RBFOX1: variants seen among roughly 807,000 people sequenced by gnomAD.
RBFOX1 encodes the protein RNA binding protein fox-1 homolog 1.
In RBFOX1, 8 loss-of-function variants were observed where a neutral mutation model predicts 57.7. The ratio of observed to expected loss-of-function variants is 0.14; its 90% CI spans 0.08 to 0.25. RBFOX1 has a LOEUF of 0.25. Ranked by LOEUF, RBFOX1 falls within the 10% of genes least tolerant of loss-of-function variation. The pLI, the probability that RBFOX1 is intolerant of heterozygous loss-of-function variation, is 1.00. For synonymous variants in RBFOX1, 326 were observed against 222.4 expected (o/e 1.47, Z -4.15); for missense variants, 611 against 548.5 (o/e 1.11, Z -1.14).
chr16:6,215,005 A>T (rs2097325926), intron 1 of RBFOX1, among the ~76,000 whole-genome samples: 2 of 114,740 alleles, frequency 1.7e-5, no homozygotes, highest in African/African-American at 6.7e-5. Context: ...ACAGGGAAAG[A>T]GGGAGAAGGG....
At chr16:5,929,747 C>T (rs749144903) in intron 4 of RBFOX1, among the ~76,000 whole-genome samples, 1 of 152,134 alleles carries the variant, frequency 6.6e-6, no homozygotes, top group South Asian at 2.1e-4. Flanking sequence ...TAGATTTACA[C>T]ACATGCATAC....
intron 2 of RBFOX1, among the ~76,000 whole-genome samples, chr16:5,584,356 G>A (rs1321761396): frequency 3.9e-5 from 6 of 152,072 alleles, no homozygotes; most frequent in Non-Finnish European, 8.8e-5. Context: ...GAAATATGTC[G>A]GAGTTTCATC....
chr16:5,349,821 G>A (rs1399882735), intron 1 of RBFOX1, among the ~76,000 whole-genome samples: 1 of 152,224 alleles, frequency 6.6e-6, no homozygotes, highest in Non-Finnish European at 1.5e-5. Context: ...CTTGGCCCAC[G>A]CCCTGCTCTG....
intron 7 of RBFOX1, among the ~76,000 whole-genome samples, chr16:7,589,755 C>G (rs1261202263): frequency 6.6e-6 from 1 of 151,894 alleles, no homozygotes; most frequent in East Asian, 1.9e-4. Flanking sequence ...GTTCAGAAAC[C>G]TGAACTGTTG....
intron 3 of RBFOX1, among the ~76,000 whole-genome samples, chr16:5,649,255 G>A (rs942092077): frequency 2.0e-5 from 3 of 151,812 alleles, no homozygotes; most frequent in Non-Finnish European, 4.4e-5. Flanking sequence ...TGCAACCTCC[G>A]CCTCCTGGGT....
chr16:6,950,150 G>A (rs1598164078), intron 3 of RBFOX1, among the ~76,000 whole-genome samples: 1 of 147,936 alleles, frequency 6.8e-6, no homozygotes, highest in African/African-American at 2.5e-5. Flanking sequence ...TAGCCATGGG[G>A]TTTCACCATG....
intron 9 of RBFOX1, among the ~76,000 whole-genome samples, chr16:7,599,465 A>T (rs2094891560): frequency 6.6e-6 from 1 of 152,162 alleles, no homozygotes; most frequent in Non-Finnish European, 1.5e-5. Context: ...GGATTTTTTA[A>T]CACAATTCAA....
chr16:6,428,111 C>T (rs1482826362), intron 2 of RBFOX1, among the ~76,000 whole-genome samples: 1 of 151,706 alleles, frequency 6.6e-6, no homozygotes, highest in African/African-American at 2.4e-5. Context: ...AGTGAGACCC[C>T]ATCCCTACAA....
At chr16:7,056,112 A>G (rs2052142537) in intron 4 of RBFOX1, among the ~76,000 whole-genome samples, 3 of 152,272 alleles carry the variant, frequency 2.0e-5, no homozygotes, top group South Asian at 2.1e-4. Context: ...GGCAGCAGGC[A>G]TGGGGCATCG....
At chr16:6,852,908 G>C (rs1055198707) in intron 3 of RBFOX1, among the ~76,000 whole-genome samples, 3 of 152,208 alleles carry the variant, frequency 2.0e-5, no homozygotes, top group Non-Finnish European at 2.9e-5. Flanking sequence ...CAAGGTGCAT[G>C]CTGGGAACTA....
intron 4 of RBFOX1, among the ~76,000 whole-genome samples, chr16:7,341,776 C>CTCCTTCCTTCCTTCCTTCCT (rs767808435): frequency 1.9e-3 from 181 of 95,180 alleles, no homozygotes; most frequent in African/African-American, 5.9e-3. Flanking sequence ...CCCTCCCTCC[C>CTCCTTCCTTCCTTCCTTCCT]TCCTTCCTTC....
At chr16:7,122,652 C>T (rs866520543) in intron 4 of RBFOX1, among the ~76,000 whole-genome samples, 1 of 152,072 alleles carries the variant, frequency 6.6e-6, no homozygotes, top group Non-Finnish European at 1.5e-5. Context: ...ATTCTTAAAA[C>T]ATTTTGACAG....
At chr16:7,547,996 T>G (rs1290163062) in intron 5 of RBFOX1, among the ~76,000 whole-genome samples, 3 of 152,224 alleles carry the variant, frequency 2.0e-5, no homozygotes, top group Non-Finnish European at 4.4e-5. Flanking sequence ...TTTGCCCGTG[T>G]GTAGTGCCTG....
In RBFOX1 at chr16:5,439,660, G is replaced by A. The variant is rs1374655057; in HGVS notation, c.220-27556G>A. 6.6e-5 allele frequency among the ~76,000 whole-genome samples: 10 copies of A among 152,132 alleles called. No homozygotes were observed. In the South Asian group the frequency reaches 1.0e-3, roughly 16 times the overall value. On this transcript the variant is annotated intron_variant, in intron 1 of 2. Transcript: ENST00000585867. ...TGTCCTTTAATGAGATGAGAAAGAC[G>A]GGCCTCACTCCTGGCCTCAAGTGAT...
intron 3 of RBFOX1, among the ~76,000 whole-genome samples, chr16:6,930,001 A>G (rs2076245054): frequency 6.6e-6 from 1 of 152,122 alleles, no homozygotes; most frequent in South Asian, 2.1e-4. Context: ...AATAGGAAAA[A>G]CAGAGCGAGA....
At chr16:5,652,516 G>T (rs1411632358) in intron 3 of RBFOX1, among the ~76,000 whole-genome samples, 1 of 152,126 alleles carries the variant, frequency 6.6e-6, no homozygotes, top group Non-Finnish European at 1.5e-5. Flanking sequence ...CAACAGGAGG[G>T]ATGACAGGAT....
At chr16:6,928,940 A>C (rs962567494) in intron 3 of RBFOX1, among the ~76,000 whole-genome samples, 1 of 152,106 alleles carries the variant, frequency 6.6e-6, no homozygotes, top group Non-Finnish European at 1.5e-5. Context: ...CAAGTCCCCA[A>C]AGCAGATGTC....
chr16:6,590,216 T>C (rs1297177585), intron 2 of RBFOX1, among the ~76,000 whole-genome samples: 1 of 152,216 alleles, frequency 6.6e-6, no homozygotes, highest in African/African-American at 2.4e-5. Context: ...TCAAGAGCTA[T>C]TACTTTTCTT....
chr16:6,540,274 T>C (rs2096795008), intron 2 of RBFOX1, among the ~76,000 whole-genome samples: 1 of 151,268 alleles, frequency 6.6e-6, no homozygotes, highest in Admixed American at 6.6e-5. Context: ...AATTGTTCTT[T>C]ATTCGTAGAT....
Sources: gnomAD v4.1 joint callset for allele counts (sites outside exome capture counted in the v4.1 genomes callset) on GRCh38, gnomAD v4.1.1 for gene constraint, MANE v1.5 for transcripts, NCBI Gene and HGNC (gene_info 2026-07-23, HGNC 2026-07-21) for gene names.